The following RELA variants were observed in gnomAD, a reference collection of about 807,000 sequenced individuals.
The protein encoded by RELA is transcription factor p65.
RELA carries 14 observed loss-of-function variants against 56.7 expected under a neutral mutation model. The observed-to-expected ratio is 0.25, with a 90% CI of 0.16 to 0.39. RELA has a LOEUF of 0.39. RELA is among the 10% of genes least tolerant of loss of function. The probability of loss-of-function intolerance (pLI) is 1.00; values close to 1 mark genes in which losing one functional copy is unlikely to be tolerated. For missense variants in RELA, 559 were observed against 736.4 expected, an observed-to-expected ratio of 0.76 and a Z score of 2.79; for synonymous variants, 315 against 289.7, an observed-to-expected ratio of 1.09 and a Z score of -0.89.
At chr11:65,660,542 TCTCTC>T (rs1412653969) in intron 4 of RELA, 2 of 326,796 alleles carry the variant, frequency 6.1e-6, no homozygotes, top group African/African-American at 4.3e-5. Flanking sequence ...TTTTCCTACT[TCTCTC>T]CTCCTTCTCA....
At chr11:65,660,029 G>A in intron 5 of RELA, 95 bp downstream of exon 5, 1 of 1,323,306 alleles carries the variant, frequency 7.6e-7, no homozygotes, top group Non-Finnish European at 1.1e-6. Context: ...CAAGATTCCA[G>A]CTTTACTGTG....
Position 65,659,644 on chromosome 11 carries a change from C to A in RELA, c.559+22G>T, listed in dbSNP as rs753534553. 7.4e-6 allele frequency: 12 copies of A among 1,612,776 alleles called. No individual in the cohort carries two copies. The East Asian group carries it at 1.8e-4, about 24-fold the overall frequency. On this transcript the variant is annotated intron_variant, in intron 6 of 10. Transcript: ENST00000406246. ...TATTCAGGCCCACCCTCTCCCCTTCCTGCGTCTCCCTCGCTACTCACGATT... is the reference window on the plus strand; with the variant it reads ...TATTCAGGCCCACCCTCTCCCCTTCATGCGTCTCCCTCGCTACTCACGATT...
Position 65,658,646 on chromosome 11 carries a change from C to G in RELA, c.664+72G>C. ...AGGAGGAAGTATCCAAAGCCAGTTA[C>G]CTGACACTCCACTTCTCTGCTCAGC... On this transcript the variant is annotated intron_variant, in intron 7 of 10. Transcript: ENST00000406246. The surrounding 1 kb of genome is among the most constrained non-coding windows in gnomAD (Gnocchi z 4.5). 9 of 1,473,952 alleles carry G rather than the reference C, an allele frequency of 6.1e-6. No homozygotes were observed. The highest frequency in any genetic ancestry group is 8.5e-6 in the Non-Finnish European group (9 of 1,055,140). The allele number at this position is 1,473,952 out of a possible 1,614,324, so 91.3% of individuals were successfully genotyped here.
In RELA at chr11:65,655,741, G is replaced by A. The variant is rs1432792806; in HGVS notation, c.980C>T (p.Pro327Leu). The change falls in exon 10 of 11, where the codon CCA becomes CTA. Residue 327 changes from proline to leucine, a missense_variant. By Grantham distance (98) the Pro-to-Leu change is moderately conservative. This residue lies in a region of RELA where 365 missense variants were observed against 387.5 expected (regional missense o/e 0.94). Coordinates refer to ENST00000406246, the MANE Select transcript of RELA (RefSeq NM_021975.4). ...GGAAGGCACAGCAATGCGTCGAGGTGGAGGCCGGGGGTCGGTGGGTCCTGT... is the reference window on the plus strand; with the variant it reads ...GGAAGGCACAGCAATGCGTCGAGGTAGAGGCCGGGGGTCGGTGGGTCCTGT... ...PFSGPTDPRP[P>L]PRRIAVPSRS... 2 of 1,614,030 alleles carry A rather than the reference G, an allele frequency of 1.2e-6. No homozygotes were observed. Among genetic ancestry groups the A allele is most frequent in the African/African-American group, 1.3e-5 (1 of 74,914 alleles).
chr11:65,661,877 C>T, intron 3 of RELA, 42 bp from the exon 4 acceptor site: 1 of 1,602,896 alleles, frequency 6.2e-7, no homozygotes, highest in Non-Finnish European at 8.5e-7. Flanking sequence ...ACCTGACTCC[C>T]AAACACAGAG....
upstream of RELA, chr11:65,662,953 T>C (rs1236356622): frequency 8.3e-6 from 7 of 848,116 alleles, no homozygotes; most frequent in African/African-American, 7.2e-5. Flanking sequence ...CTGCCCGGAA[T>C]CCGGCCGCGC....
intron 6 of RELA, among the ~76,000 whole-genome samples, chr11:65,659,443 T>G (rs1483159010): frequency 6.6e-6 from 1 of 152,128 alleles, no homozygotes; most frequent in Non-Finnish European, 1.5e-5. Flanking sequence ...CATCAGACTC[T>G]CTGCTAGACT....
In RELA at chr11:65,654,279, G is replaced by T; in HGVS notation, c.*99C>A. 1 of 1,454,458 alleles carries T rather than the reference G, an allele frequency of 6.9e-7. No homozygotes were observed. The allele number at this position is 1,454,458 out of a possible 1,614,324, so 90.1% of individuals were successfully genotyped here. ...CTCCAAGGAAGACATCCACAAAGTT[G>T]GGGGCAGTTGGAACACACCCCACCA... On this transcript the variant is annotated 3_prime_UTR_variant, in exon 11 of 11. Coordinates refer to ENST00000406246, the MANE Select transcript of RELA (RefSeq NM_021975.4).
chr11:65,659,535 G>A lies in RELA; in HGVS notation c.559+131C>T. ...TCCCCAGCCAACAAAGAGCTGGGCAGAGAAGAGTAGACAAATACGCAAGAT... is the reference window on the plus strand; with the variant it reads ...TCCCCAGCCAACAAAGAGCTGGGCAAAGAAGAGTAGACAAATACGCAAGAT... On this transcript the variant is annotated intron_variant, in intron 6 of 10. Transcript: ENST00000406246. 7.5e-6 allele frequency: 9 copies of A among 1,200,054 alleles called. No individual in the cohort carries two copies. The South Asian group carries it at 8.1e-5, about 11-fold the overall frequency. 74.3% of individuals were successfully genotyped at this position (1,200,054 alleles called of 1,614,324 possible). A position where few individuals can be genotyped will look rare whatever the true frequency, so the allele number is the denominator to read the frequency against.
intron 8 of RELA, 143 bp from the exon 9 acceptor site, chr11:65,656,078 T>C: frequency 2.7e-6 from 2 of 732,106 alleles, no homozygotes; most frequent in South Asian, 1.5e-5. Context: ...AGAAGGGATG[T>C]GTGACACTCA....
chr11:65,661,606 A>C, intron 4 of RELA, 81 bp downstream of exon 4: 1 of 1,355,094 alleles, frequency 7.4e-7, no homozygotes, highest in South Asian at 1.4e-5. Context: ...TGGGTCCAGA[A>C]AGGAGTAACA....
intron 4 of RELA, chr11:65,660,472 C>CCCAGG (rs2135566680): frequency 2.0e-6 from 1 of 509,740 alleles, no homozygotes; most frequent in Non-Finnish European, 3.5e-6. Context: ...ACTCTCTAAA[C>CCCAGG]ACAGGACACT....
Position 65,654,004 on chromosome 11 carries a change from A to G in RELA, c.*374T>C. ...AATCCATGATGGAAGACACTTGATA[A>G]GGCTTTGTGGGCTCAAAGGCCTTAC... On this transcript the variant is annotated 3_prime_UTR_variant, in exon 11 of 11. Coordinates refer to ENST00000406246, the MANE Select transcript of RELA (RefSeq NM_021975.4). 5 of 332,756 alleles carry G rather than the reference A, an allele frequency of 1.5e-5. No homozygotes were observed. Among genetic ancestry groups the G allele is most frequent in the Non-Finnish European group, 2.9e-5 (5 of 174,982 alleles). 20.6% of individuals were successfully genotyped at this position (332,756 alleles called of 1,614,324 possible). A position where few individuals can be genotyped will look rare whatever the true frequency, so the allele number is the denominator to read the frequency against.
At chr11:65,659,583 T>A in intron 6 of RELA, 83 bp downstream of exon 6, 1 of 1,553,026 alleles carries the variant, frequency 6.4e-7, no homozygotes, top group Non-Finnish European at 8.8e-7. Flanking sequence ...CCAGAGCGCC[T>A]CTTGCAGGCC....
chr11:65,662,487 T>G, intron 1 of RELA: 1 of 474,008 alleles, frequency 2.1e-6, no homozygotes, highest in Non-Finnish European at 3.7e-6. Flanking sequence ...ACGCCCCACC[T>G]CCCTCCAGAG....
chr11:65,661,148 C>A (rs1412776983), intron 4 of RELA, among the ~76,000 whole-genome samples: 1 of 152,142 alleles, frequency 6.6e-6, no homozygotes, highest in Non-Finnish European at 1.5e-5. Context: ...GATCCTCCCA[C>A]CTCAGCCTCC....
chr11:65,661,478 G>C, intron 4 of RELA: 1 of 482,400 alleles, frequency 2.1e-6, no homozygotes, highest in Non-Finnish European at 3.7e-6. Flanking sequence ...AGTGATTAGG[G>C]ACCCATCCGT....
chr11:65,655,791 A>C, intron 9 of RELA, 29 bp from the exon 10 acceptor site: 2 of 1,613,836 alleles, frequency 1.2e-6, no homozygotes, highest in Non-Finnish European at 1.7e-6. Flanking sequence ...GTCAGTTCTC[A>C]GCCCCAGGGT....
intron 1 of RELA, 21 bp from the exon 2 acceptor site, chr11:65,662,226 G>C (rs769029523): frequency 5.8e-6 from 9 of 1,546,358 alleles, no homozygotes; most frequent in Non-Finnish European, 7.0e-6. Flanking sequence ...AGGGAGATCA[G>C]GGTCAGCACA....
Sources: gnomAD v4.1 joint callset for allele counts (sites outside exome capture counted in the v4.1 genomes callset) on GRCh38, gnomAD v4.1.1 for gene constraint, gnomAD v4.1.1 regional missense constraint, Gnocchi (gnomAD v3.1) non-coding constraint, MANE v1.5 for transcripts, NCBI Gene and HGNC (gene_info 2026-07-23, HGNC 2026-07-21) for gene names.